HOMER1: variants seen among roughly 807,000 people sequenced by gnomAD.
HOMER1 encodes the protein homer scaffold protein 1.
HOMER1 carries 3 observed loss-of-function variants against 48.9 expected under a neutral mutation model. That is an observed-to-expected ratio of 0.06 (90% CI 0.03 to 0.16). HOMER1 has a LOEUF of 0.16. Among genes scored for constraint, HOMER1 ranks in the 10% least tolerant of loss-of-function variants. The probability of loss-of-function intolerance (pLI) is 1.00; values close to 1 mark genes in which losing one functional copy is unlikely to be tolerated. For missense variants in HOMER1, 247 were observed against 411.4 expected (o/e 0.60, Z 3.46); for synonymous variants, 134 against 146.4 (o/e 0.92, Z 0.61).
At chr5:79,464,649 CA>C (rs1482531303) in intron 1 of HOMER1, among the ~76,000 whole-genome samples, 2 of 152,156 alleles carry the variant, frequency 1.3e-5, no homozygotes, top group Non-Finnish European at 2.9e-5. Context: ...GTTTAAATCT[CA>C]CCACCTCCTC....
chr5:79,382,801 G>C (rs191844845), intron 8 of HOMER1, among the ~76,000 whole-genome samples: 11 of 152,064 alleles, frequency 7.2e-5, no homozygotes, highest in Non-Finnish European at 1.0e-4. Context: ...TCACAATGAC[G>C]AACAATAGGA....
chr5:79,467,086 G>A (rs566847441), intron 1 of HOMER1, among the ~76,000 whole-genome samples: 7 of 152,140 alleles, frequency 4.6e-5, no homozygotes, highest in East Asian at 3.9e-4. Flanking sequence ...CACTGTGCCC[G>A]GCCTTAAAAA....
At chr5:79,460,216 C>T (rs1751281638) in intron 1 of HOMER1, among the ~76,000 whole-genome samples, 1 of 152,090 alleles carries the variant, frequency 6.6e-6, no homozygotes, top group African/African-American at 2.4e-5. Flanking sequence ...CCTGTAATCC[C>T]AGTGCTTTGG....
intron 3 of HOMER1, among the ~76,000 whole-genome samples, chr5:79,449,544 C>T (rs528421256): frequency 1.7e-4 from 26 of 152,336 alleles, no homozygotes; most frequent in African/African-American, 6.0e-4. Context: ...GCAATCCTGG[C>T]TCACTGCAGC....
intron 1 of HOMER1, among the ~76,000 whole-genome samples, chr5:79,466,264 C>T (rs1239204473): frequency 6.6e-6 from 1 of 151,792 alleles, no homozygotes; most frequent in East Asian, 1.9e-4. Flanking sequence ...ACCTGTAATC[C>T]CAGCACTTTC....
chr5:79,423,667 T>C (rs1750165303), intron 5 of HOMER1, among the ~76,000 whole-genome samples: 1 of 152,118 alleles, frequency 6.6e-6, no homozygotes, highest in Admixed American at 6.5e-5. Flanking sequence ...AGTCTCATGC[T>C]CAGCCATGGA....
intron 5 of HOMER1, among the ~76,000 whole-genome samples, chr5:79,422,328 T>C (rs73120355): frequency 0.21 from 32,068 of 152,118 alleles, 3,494 homozygotes; most frequent in South Asian, 0.32. Flanking sequence ...TCAATACTCA[T>C]TGAATTTCAA....
At position 79,404,061 on chromosome 5, in the gene HOMER1, C is replaced by T. The variant is rs190150942; in HGVS notation, c.528-2006G>A. 6.0e-3 allele frequency among the ~76,000 whole-genome samples: 914 copies of T among 152,216 alleles called. 8 individuals carry two copies. Among genetic ancestry groups the T allele is most frequent in the South Asian group, 0.02 (97 of 4,826 alleles). On this transcript the variant is annotated intron_variant, in intron 5 of 8. Coordinates refer to ENST00000334082, the MANE Select transcript of HOMER1 (RefSeq NM_004272.5). ...CTGAATTATAGATTTTTCTTTAAAC[C>T]ACCTACCAGTTTTTCCCCTATAGAG...
chr5:79,422,884 G>A (rs1750141608), intron 5 of HOMER1, among the ~76,000 whole-genome samples: 1 of 136,448 alleles, frequency 7.3e-6, no homozygotes, highest in South Asian at 2.4e-4. Context: ...GAGACAAGAT[G>A]ATCTCTTAAG....
At chr5:79,380,229 G>A (rs1748931123) in intron 8 of HOMER1, among the ~76,000 whole-genome samples, 1 of 152,170 alleles carries the variant, frequency 6.6e-6, no homozygotes, top group Admixed American at 6.5e-5. Flanking sequence ...CACAGGCACT[G>A]GAAACTAACA....
intron 1 of HOMER1, among the ~76,000 whole-genome samples, chr5:79,481,970 G>A (rs954938831): frequency 6.6e-6 from 1 of 152,158 alleles, no homozygotes; most frequent in African/African-American, 2.4e-5. Context: ...TGTAATACCA[G>A]CATTTTGGGA....
In HOMER1 at chr5:79,431,222, C is replaced by T. The variant is rs144904692; in HGVS notation, c.527+7788G>A. Among the ~76,000 whole-genome samples the T allele has an allele frequency of 1.1e-3, 168 of 152,182 alleles. 2 individuals carry two copies. In the East Asian group the frequency reaches 0.025, roughly 22 times the overall value. On this transcript the variant is annotated intron_variant, in intron 5 of 8. Coordinates refer to ENST00000334082, the MANE Select transcript of HOMER1 (RefSeq NM_004272.5). ...CCTGTAATCCCAGCTACTTGGGAGG[C>T]TGAGGAAGGAGAATTGCTTGAACCT...
intron 1 of HOMER1, among the ~76,000 whole-genome samples, chr5:79,463,961 A>G (rs1751386813): frequency 6.6e-6 from 1 of 152,242 alleles, no homozygotes; most frequent in African/African-American, 2.4e-5. Flanking sequence ...GGCAACCACT[A>G]AAAGAAATAA....
At chr5:79,378,447 T>C (rs1748836781) in intron 8 of HOMER1, among the ~76,000 whole-genome samples, 1 of 152,162 alleles carries the variant, frequency 6.6e-6, no homozygotes, top group South Asian at 2.1e-4. Context: ...CAGGTATGTT[T>C]CCAATCTCTT....
intron 3 of HOMER1, among the ~76,000 whole-genome samples, chr5:79,450,440 T>C (rs1029769136): frequency 2.6e-5 from 4 of 152,220 alleles, no homozygotes; most frequent in African/African-American, 9.6e-5. Context: ...TTGCATTTTA[T>C]TGGCCTTTCT....
At chr5:79,504,659 G>C (rs990084894) in intron 1 of HOMER1, among the ~76,000 whole-genome samples, 1 of 152,072 alleles carries the variant, frequency 6.6e-6, no homozygotes, top group African/African-American at 2.4e-5. Flanking sequence ...CTCACACAAA[G>C]AAAGTCTTGT....
intron 1 of HOMER1, chr5:79,510,492 G>T (rs1343408712): frequency 2.8e-6 from 2 of 706,672 alleles, no homozygotes; most frequent in South Asian, 1.4e-5. Context: ...CACAGAAATG[G>T]TATCAAGAAA....
intron 3 of HOMER1, 39 bp from the exon 4 acceptor site, chr5:79,447,184 ATAGGTCACAGTGCCCACTTTTACCTTAG>A: frequency 7.6e-7 from 1 of 1,321,406 alleles, no homozygotes; most frequent in South Asian, 1.2e-5. Flanking sequence ...CCAAATAAAA[ATAGGTCACAGTGCCCACTTTTACCTTAG>A]TAAAGTTATT....
intron 1 of HOMER1, among the ~76,000 whole-genome samples, chr5:79,505,243 A>T (rs558809960): frequency 6.6e-6 from 1 of 152,082 alleles, no homozygotes; most frequent in African/African-American, 2.4e-5. Context: ...TGGGTGACAC[A>T]GCAAGACTCT....
Sources: gnomAD v4.1 joint callset for allele counts (sites outside exome capture counted in the v4.1 genomes callset) on GRCh38, gnomAD v4.1.1 for gene constraint, MANE v1.5 for transcripts, NCBI Gene and HGNC (gene_info 2026-07-23, HGNC 2026-07-21) for gene names.